Variants in SCNN1G observed in about 807,000 individuals in gnomAD.
SCNN1G encodes epithelial sodium channel subunit gamma.
Under a neutral mutation model 64.6 loss-of-function variants are expected in SCNN1G, and 27 were observed. That is an observed-to-expected ratio of 0.42 (90% CI 0.31 to 0.58). The LOEUF (loss-of-function observed/expected upper bound fraction) is 0.58. Among genes scored for constraint, SCNN1G ranks in the 20% least tolerant of loss-of-function variants. The pLI is 0.18. For synonymous variants in SCNN1G, 330 were observed against 314.2 expected, an observed-to-expected ratio of 1.05 and a Z score of -0.53; for missense variants, 743 against 823.4, an observed-to-expected ratio of 0.90 and a Z score of 1.19.
At chr16:23,200,842 C>T (rs561945758) in intron 6 of SCNN1G, among the ~76,000 whole-genome samples, 2 of 152,202 alleles carry the variant, frequency 1.3e-5, no homozygotes, top group South Asian at 2.1e-4. Flanking sequence ...GATGATGAAC[C>T]GGAATGGAAG....
chr16:23,212,783 G>T (rs1438709531), intron 9 of SCNN1G, 27 bp downstream of exon 9: 4 of 1,613,530 alleles, frequency 2.5e-6, no homozygotes, highest in Non-Finnish European at 3.4e-6. Context: ...GGGTGAGACG[G>T]GTGGCTGGGT....
chr16:23,206,893 C>T (rs1169994461), intron 6 of SCNN1G, among the ~76,000 whole-genome samples: 1 of 152,108 alleles, frequency 6.6e-6, no homozygotes, highest in Non-Finnish European at 1.5e-5. Flanking sequence ...TTGTGTGTCC[C>T]TAGGGGTCAG....
intron 2 of SCNN1G, among the ~76,000 whole-genome samples, chr16:23,189,151 G>A (rs904437618): frequency 2.0e-5 from 3 of 152,174 alleles, no homozygotes; most frequent in Non-Finnish European, 4.4e-5. Context: ...TGAAGCCACA[G>A]GAAGTCACAC....
In SCNN1G at chr16:23,189,617, C is replaced by A. The variant is rs899371749; in HGVS notation, c.564C>A (p.His188Gln). The change falls in exon 3 of 13, where the codon CAC becomes CAA. Residue 188 changes from histidine to glutamine, a missense_variant. Transcript: ENST00000300061. ...RKRKVGGSII[H>Q]KASNVMHIES... Reference sequence around the variant, plus strand: ...GGAAAGTCGGCGGTAGCATCATTCACAAGGCTTCAAATGTCATGCACATCG... The same window carrying A: ...GGAAAGTCGGCGGTAGCATCATTCAAAAGGCTTCAAATGTCATGCACATCG... 3.7e-6 allele frequency: 6 copies of A among 1,614,118 alleles called. No homozygotes were observed. The African/African-American group carries it at 6.7e-5, about 18-fold the overall frequency.
chr16:23,199,663 CTTTTTTTT>C (rs67132706), intron 6 of SCNN1G, among the ~76,000 whole-genome samples: 15 of 59,652 alleles, frequency 2.5e-4, no homozygotes, highest in African/African-American at 5.2e-4. Flanking sequence ...CTTTTCTTTT[CTTTTTTTT>C]TTTTTTTTTT....
intron 4 of SCNN1G, among the ~76,000 whole-genome samples, chr16:23,193,024 G>A (rs918882433): frequency 7.9e-6 from 1 of 127,180 alleles, no homozygotes; most frequent in African/African-American, 3.0e-5. Context: ...AGCCAAGATT[G>A]CACTACTGCA....
intron 6 of SCNN1G, among the ~76,000 whole-genome samples, chr16:23,197,917 A>T (rs920013122): frequency 4.6e-5 from 7 of 152,010 alleles, no homozygotes; most frequent in Admixed American, 6.6e-5. Flanking sequence ...GATTAATAGG[A>T]CAGGGTGCCA....
chr16:23,195,219 C>G (rs1378621145), intron 5 of SCNN1G, among the ~76,000 whole-genome samples: 1 of 152,124 alleles, frequency 6.6e-6, no homozygotes, highest in Non-Finnish European at 1.5e-5. Flanking sequence ...ATAACACATA[C>G]CAAGCACACA....
Position 23,191,134 on chromosome 16 carries a change from C to T in SCNN1G, c.619-1218C>T, listed in dbSNP as rs182690331. Among the ~76,000 whole-genome samples, 17 of 151,976 alleles carry T rather than the reference C, an allele frequency of 1.1e-4. No individual in the cohort carries two copies. The East Asian group carries it at 2.1e-3, about 19-fold the overall frequency. Reference sequence around the variant, plus strand: ...TGCTGAGATTACAGGCGTGAGCCACCGCACCTGGCCTGAGGGGCTCTTGAG... The same window carrying T: ...TGCTGAGATTACAGGCGTGAGCCACTGCACCTGGCCTGAGGGGCTCTTGAG... On this transcript the variant is annotated intron_variant, in intron 3 of 12. Coordinates refer to ENST00000300061, the MANE Select transcript of SCNN1G (RefSeq NM_001039.4).
chr16:23,213,082 G>A lies in SCNN1G; in HGVS notation c.1432-20G>A, dbSNP rs534750080. On this transcript the variant is annotated intron_variant, in intron 10 of 12. Coordinates refer to ENST00000300061, the MANE Select transcript of SCNN1G (RefSeq NM_001039.4). Reference sequence around the variant, plus strand: ...GCCTCTCAGGCACCCTCAGGCCCACGCTTTCTCTCTCCGTTGTAGAAGTGG... The same window carrying A: ...GCCTCTCAGGCACCCTCAGGCCCACACTTTCTCTCTCCGTTGTAGAAGTGG... 6.2e-6 allele frequency: 10 copies of A among 1,612,502 alleles called. No homozygotes were observed. The highest frequency in any genetic ancestry group is 2.2e-5 in the East Asian group (1 of 44,872).
intron 3 of SCNN1G, among the ~76,000 whole-genome samples, chr16:23,191,713 A>T (rs1466256893): frequency 6.6e-6 from 1 of 152,262 alleles, no homozygotes; most frequent in Admixed American, 6.5e-5. Context: ...GGCATGAGCC[A>T]CTGCAACCAG....
intron 6 of SCNN1G, among the ~76,000 whole-genome samples, chr16:23,207,198 G>A (rs1247649532): frequency 6.6e-6 from 1 of 152,220 alleles, no homozygotes; most frequent in Non-Finnish European, 1.5e-5. Flanking sequence ...CTGGTTTTCA[G>A]GGTAGAGGGA....
At chr16:23,212,602 T>G in intron 8 of SCNN1G, 76 bp from the exon 9 acceptor site, 1 of 1,112,032 alleles carries the variant, frequency 9.0e-7, no homozygotes, top group South Asian at 1.2e-5. Context: ...TGCGGGGCTG[T>G]CCTTGGTGAC....
chr16:23,211,557 C>T (rs1567268941), intron 7 of SCNN1G, among the ~76,000 whole-genome samples: 1 of 152,200 alleles, frequency 6.6e-6, no homozygotes, highest in Non-Finnish European at 1.5e-5. Context: ...TGCCTATAAT[C>T]CCAGCATTTT....
chr16:23,187,297 TG>T (rs1441154386), intron 2 of SCNN1G, among the ~76,000 whole-genome samples: 1 of 151,872 alleles, frequency 6.6e-6, no homozygotes, highest in Non-Finnish European at 1.5e-5. Flanking sequence ...TTTTAAGAGA[TG>T]GGGTCTCGCT....
At position 23,211,978 on chromosome 16, in the gene SCNN1G, C is replaced by T; in HGVS notation, c.1177-56C>T. On this transcript the variant is annotated intron_variant, in intron 7 of 12. Coordinates refer to ENST00000300061, the MANE Select transcript of SCNN1G (RefSeq NM_001039.4). ...CCTGGGCTGAGGGATGTGCAGGAAA[C>T]TCCCTGACATCCCTGAGCAAAGACA... 7 of 1,283,772 alleles carry T rather than the reference C, an allele frequency of 5.5e-6. No homozygotes were observed. In the South Asian group the frequency reaches 8.3e-5, roughly 15 times the overall value. 79.5% of individuals were successfully genotyped at this position (1,283,772 alleles called of 1,614,324 possible). A position where few individuals can be genotyped will look rare whatever the true frequency, so the allele number is the denominator to read the frequency against.
chr16:23,210,810 TC>T (rs1412835475), intron 7 of SCNN1G, among the ~76,000 whole-genome samples: 2 of 151,884 alleles, frequency 1.3e-5, no homozygotes, highest in East Asian at 3.9e-4. Flanking sequence ...GGTAGGAAGA[TC>T]ACTTGAGCCC....
intron 6 of SCNN1G, among the ~76,000 whole-genome samples, chr16:23,205,904 T>C (rs1276784142): frequency 1.3e-5 from 2 of 152,190 alleles, no homozygotes; most frequent in Non-Finnish European, 2.9e-5. Flanking sequence ...GCTGCCACTT[T>C]AGCCTGTTGA....
intron 6 of SCNN1G, among the ~76,000 whole-genome samples, chr16:23,207,684 A>G (rs1596774571): frequency 6.6e-6 from 1 of 152,318 alleles, no homozygotes; most frequent in Admixed American, 6.5e-5. Context: ...GGGAGGCCAG[A>G]CAGCCACTTT....
Sources: gnomAD v4.1 joint callset for allele counts (sites outside exome capture counted in the v4.1 genomes callset) on GRCh38, gnomAD v4.1.1 for gene constraint, MANE v1.5 for transcripts, NCBI Gene and HGNC (gene_info 2026-07-23, HGNC 2026-07-21) for gene names.